Variants in CPT1C observed in about 807,000 individuals in gnomAD.
The protein encoded by CPT1C is palmitoyl thioesterase CPT1C.
Under a neutral mutation model 97.3 loss-of-function variants are expected in CPT1C, and 61 were observed. The observed-to-expected ratio is 0.63, with a 90% CI of 0.51 to 0.78. The LOEUF is 0.78. Ranked by LOEUF, CPT1C falls within the 30% of genes least tolerant of loss-of-function variation. CPT1C has a pLI of 0.00. For missense variants in CPT1C, 975 were observed against 1,065.5 expected, an observed-to-expected ratio of 0.92 and a Z score of 1.18; for synonymous variants, 469 against 447.2, an observed-to-expected ratio of 1.05 and a Z score of -0.61.
In CPT1C at chr19:49,702,099, A is replaced by G. The variant is rs1316342443; in HGVS notation, c.693+465A>G. Among the ~76,000 whole-genome samples, 20 of 103,566 alleles carry G rather than the reference A, an allele frequency of 1.9e-4. 1 individual carries two copies. Among genetic ancestry groups the G allele is most frequent in the African/African-American group, 8.8e-4 (18 of 20,468 alleles). The allele number at this position is 103,566 out of a possible 152,430, so 67.9% of individuals were successfully genotyped here. On this transcript the variant is annotated intron_variant, in intron 7 of 19. Transcript: ENST00000598293. The stretch of plus-strand genomic sequence containing the variant: ...ATTATAAATATATATTTATTTATAA[A>G]TTATAAATATATATTTATTTATTTA...
intron 4 of CPT1C, among the ~76,000 whole-genome samples, chr19:49,699,795 A>G (rs1241992626): frequency 6.6e-6 from 1 of 152,094 alleles, no homozygotes; most frequent in African/African-American, 2.4e-5. Context: ...TCTACTAAAA[A>G]TGCAAAAAAT....
chr19:49,701,693 T>G, intron 7 of CPT1C, 59 bp downstream of exon 7: 1 of 1,502,814 alleles, frequency 6.7e-7, no homozygotes, highest in Non-Finnish European at 8.9e-7. Context: ...TGAGCTCGCC[T>G]GCTAAACTTG....
rs193059089 is a variant in CPT1C at position 49,713,657 on chromosome 19, C to T, written c.*52C>T. The T allele has an allele frequency of 7.1e-6, 11 of 1,540,800 alleles. No individual in the cohort carries two copies. The highest frequency in any genetic ancestry group is 6.8e-5 in the African/African-American group (5 of 73,176). On this transcript the variant is annotated 3_prime_UTR_variant, in exon 20 of 20. Coordinates refer to ENST00000598293, the MANE Select transcript of CPT1C (RefSeq NM_001199753.2). ...CCAAGGAATAAGGGTGAAATTGCCA[C>T]AGCTGGCTGACACAGGACAGGGGCA...
At chr19:49,700,950 G>GCC in intron 5 of CPT1C, 95 bp downstream of exon 5, 1 of 1,350,864 alleles carries the variant, frequency 7.4e-7, no homozygotes, top group Non-Finnish European at 1.0e-6. Context: ...CTGGGTCTCT[G>GCC]TCCCTCTCTC....
In CPT1C at chr19:49,705,270, C is replaced by T. The variant is rs372149581; in HGVS notation, c.936C>T (p.Asn312=). The part of the protein sequence containing the change: ...LCSAQYEKIF[N]TTRIPGVQKD... ...CTGCCCAGTACGAGAAGATCTTCAACACCACGCGGATTCCAGGGGTCCAAA... is the reference window on the plus strand; with the variant it reads ...CTGCCCAGTACGAGAAGATCTTCAATACCACGCGGATTCCAGGGGTCCAAA... Residue 312 remains asparagine, a synonymous_variant, in exon 10 of 20, where the codon AAC becomes AAT. Coordinates refer to ENST00000598293, the MANE Select transcript of CPT1C (RefSeq NM_001199753.2). 25 of 1,605,618 alleles carry T rather than the reference C, an allele frequency of 1.6e-5. No homozygotes were observed. In the African/African-American group the frequency reaches 1.9e-4, roughly 12 times the overall value.
At chr19:49,700,617 G>A (rs1382480206) in intron 4 of CPT1C, 67 bp from the exon 5 acceptor site, 3 of 1,547,160 alleles carry the variant, frequency 1.9e-6, no homozygotes, top group Admixed American at 3.4e-5. Context: ...GGGCTGGAGG[G>A]GGCTGGAAGG....
At position 49,712,961 on chromosome 19, in the gene CPT1C, T is replaced by C. The variant is rs1568548177; in HGVS notation, c.2134-11T>C. The C allele has an allele frequency of 6.2e-7, 1 of 1,613,064 alleles. No individual in the cohort carries two copies. Among genetic ancestry groups the C allele is most frequent in the African/African-American group, 1.3e-5 (1 of 75,000 alleles). On this transcript the variant is annotated splice_polypyrimidine_tract_variant and intron_variant, in intron 18 of 19. Coordinates refer to ENST00000598293, the MANE Select transcript of CPT1C (RefSeq NM_001199753.2). Reference sequence around the variant, plus strand: ...GAGCTATTTTCTTCCCTTCACTCTTTCCGTCTCCAGGCTGATGACCATGGT... The same window carrying C: ...GAGCTATTTTCTTCCCTTCACTCTTCCCGTCTCCAGGCTGATGACCATGGT...
In CPT1C at chr19:49,706,228, C is replaced by T. The variant is rs371325260; in HGVS notation, c.1161-3C>T. 1.8e-5 allele frequency: 28 copies of T among 1,532,800 alleles called. No individual in the cohort carries two copies. Among genetic ancestry groups the T allele is most frequent in the Non-Finnish European group, 2.2e-5 (25 of 1,141,786 alleles). The allele number at this position is 1,532,800 out of a possible 1,614,324, so 94.9% of individuals were successfully genotyped here. On this transcript the variant is annotated splice_polypyrimidine_tract_variant and splice_region_variant and intron_variant, in intron 11 of 19. Coordinates refer to ENST00000598293, the MANE Select transcript of CPT1C (RefSeq NM_001199753.2). This position sits in a 1 kb window ranked among gnomAD's most constrained non-coding sequence, Gnocchi z 4.8. ...GGACTCAGGCACATCCCGGGCCCTC[C>T]AGGGGCACGTGGGCCCAGGTGCGGA...
chr19:49,710,626 G>C lies in CPT1C; in HGVS notation c.1732-97G>C, dbSNP rs2083807376. Reference sequence around the variant, plus strand: ...TCTCTCTTCCAACCATTCTTGGGCTGGCTGGAGGAGGCTGGAGGTCTGGAC... The same window carrying C: ...TCTCTCTTCCAACCATTCTTGGGCTCGCTGGAGGAGGCTGGAGGTCTGGAC... On this transcript the variant is annotated intron_variant, in intron 15 of 19. Coordinates refer to ENST00000598293, the MANE Select transcript of CPT1C (RefSeq NM_001199753.2). 17 of 1,557,240 alleles carry C rather than the reference G, an allele frequency of 1.1e-5. No individual in the cohort carries two copies. The East Asian group carries it at 3.8e-4, about 35-fold the overall frequency.
chr19:49,702,064 T>A (rs867251643), intron 7 of CPT1C, among the ~76,000 whole-genome samples: 43 of 96,244 alleles, frequency 4.5e-4, no homozygotes, highest in South Asian at 5.9e-4. Flanking sequence ...AAATATATAT[T>A]TATTTATAAA....
Position 49,713,155 on chromosome 19 carries a change from C to G in CPT1C, c.2226+91C>G, listed in dbSNP as rs1039998223. 11 of 1,162,844 alleles carry G rather than the reference C, an allele frequency of 9.5e-6. No individual in the cohort carries two copies. The African/African-American group carries it at 1.7e-4, about 18-fold the overall frequency. The allele number at this position is 1,162,844 out of a possible 1,614,324, so 72.0% of individuals were successfully genotyped here. On this transcript the variant is annotated intron_variant, in intron 19 of 19. Transcript: ENST00000598293. ...CCCCTCCTCCCTCAGACCCAGGATTCCAGGCCCCAGCCCCTCCTCCCTCAG... is the reference window on the plus strand; with the variant it reads ...CCCCTCCTCCCTCAGACCCAGGATTGCAGGCCCCAGCCCCTCCTCCCTCAG...
chr19:49,711,739 T>A (rs542356801), intron 16 of CPT1C, 70 bp from the exon 17 acceptor site: 7 of 1,501,490 alleles, frequency 4.7e-6, no homozygotes, highest in South Asian at 1.2e-5. Context: ...TGAGGCCAGA[T>A]GTGCCGCAGG....
At chr19:49,693,466 A>C (rs1479017313) in intron 3 of CPT1C, among the ~76,000 whole-genome samples, 2 of 152,228 alleles carry the variant, frequency 1.3e-5, no homozygotes, top group East Asian at 3.9e-4. Context: ...CACCTCCCTC[A>C]CAGGATAGCC....
intron 3 of CPT1C, 149 bp from the exon 4 acceptor site, chr19:49,697,177 C>A: frequency 2.1e-6 from 2 of 939,984 alleles, no homozygotes; most frequent in South Asian, 3.0e-5. Flanking sequence ...TCGCTGAGGG[C>A]AGGACCTGGA....
intron 18 of CPT1C, 32 bp downstream of exon 18, chr19:49,712,881 G>A (rs2083998238): frequency 1.3e-6 from 2 of 1,596,042 alleles, no homozygotes; most frequent in African/African-American, 2.7e-5. Context: ...GGCCCCCAGA[G>A]GAAAGAGGGG....
intron 3 of CPT1C, among the ~76,000 whole-genome samples, chr19:49,695,127 C>T (rs765911492): frequency 1.4e-4 from 21 of 151,712 alleles, no homozygotes; most frequent in Middle Eastern, 3.4e-3. Context: ...GGCAACAAAG[C>T]GAGACTCCGT....
At chr19:49,704,662 C>G (rs931122771) in intron 7 of CPT1C, 48 bp from the exon 8 acceptor site, 3 of 1,473,064 alleles carry the variant, frequency 2.0e-6, no homozygotes, top group Non-Finnish European at 9.5e-7. Flanking sequence ...TGTCCCTCCC[C>G]CAACAGGCCC....
At chr19:49,707,180 C>T (rs1467015214) in intron 12 of CPT1C, among the ~76,000 whole-genome samples, 1 of 152,064 alleles carries the variant, frequency 6.6e-6, no homozygotes, top group Non-Finnish European at 1.5e-5. Context: ...GAGGCTGAGG[C>T]GGGAGAATCA....
intron 7 of CPT1C, among the ~76,000 whole-genome samples, chr19:49,702,118 T>TTATAAATTATAAATATA (rs1157297240): frequency 7.6e-5 from 9 of 119,160 alleles, no homozygotes; most frequent in Admixed American, 6.3e-4. Flanking sequence ...ATATATTTAT[T>TTATAAATTATAAATATA]TATTTATAAA....
Sources: gnomAD v4.1 joint callset for allele counts (sites outside exome capture counted in the v4.1 genomes callset) on GRCh38, gnomAD v4.1.1 for gene constraint, Gnocchi (gnomAD v3.1) non-coding constraint, MANE v1.5 for transcripts, NCBI Gene and HGNC (gene_info 2026-07-23, HGNC 2026-07-21) for gene names.